Variants in RBFOX1 observed in about 807,000 individuals in gnomAD.
RBFOX1 encodes the protein RNA binding protein fox-1 homolog 1.
A neutral mutation model predicts 57.7 loss-of-function variants in RBFOX1; 8 were observed. That is an observed-to-expected ratio of 0.14 (90% CI 0.08 to 0.25). The LOEUF is 0.25. RBFOX1 is among the 10% of genes least tolerant of loss of function. The probability of loss-of-function intolerance (pLI) is 1.00; values close to 1 mark genes in which losing one functional copy is unlikely to be tolerated. For missense variants in RBFOX1, 611 were observed against 548.5 expected (o/e 1.11, Z -1.14); for synonymous variants, 326 against 222.4 (o/e 1.47, Z -4.15).
Position 6,646,105 on chromosome 16 carries a change from A to T in RBFOX1, c.-63-8498A>T, listed in dbSNP as rs2098532408. Among the ~76,000 whole-genome samples, 3 of 151,000 alleles carry T rather than the reference A, an allele frequency of 2.0e-5. 1 individual carries two copies. Among genetic ancestry groups the T allele is most frequent in the Non-Finnish European group, 4.4e-5 (3 of 67,928 alleles). On this transcript the variant is annotated intron_variant, in intron 2 of 15. Coordinates refer to ENST00000550418, the MANE Select transcript of RBFOX1 (RefSeq NM_018723.4). ...TCAAAATTCATACTTAACACTTTTA[A>T]GTAGTTGAGCTGTTTTCCAAGCGAA...
At position 6,135,329 on chromosome 16, in the gene RBFOX1, C is replaced by G. The variant is rs142094510; in HGVS notation, c.-127+115337C>G. ...AAAGCATTGGCTGTACTTTGAAACT[C>G]TTTAGGCTTCATTCTGATAAGAGAA... On this transcript the variant is annotated intron_variant, in intron 1 of 15. Coordinates refer to ENST00000550418, the MANE Select transcript of RBFOX1 (RefSeq NM_018723.4). Among the ~76,000 whole-genome samples the G allele has an allele frequency of 1.8e-3, 274 of 152,264 alleles. 1 individual carries two copies. Among genetic ancestry groups the G allele is most frequent in the African/African-American group, 5.9e-3 (246 of 41,556 alleles).
At chr16:5,712,490 C>G (rs1348720813) in intron 3 of RBFOX1, among the ~76,000 whole-genome samples, 1 of 152,192 alleles carries the variant, frequency 6.6e-6, no homozygotes, top group Non-Finnish European at 1.5e-5. Flanking sequence ...GAATTCTTAT[C>G]TCAAGAGCAG....
At chr16:7,504,677 A>G (rs1275872924) in intron 4 of RBFOX1, among the ~76,000 whole-genome samples, 1 of 133,294 alleles carries the variant, frequency 7.5e-6, no homozygotes, top group African/African-American at 3.3e-5. Context: ...AAATGAGTTT[A>G]TTACTCTAGC....
At chr16:5,328,763 CG>C (rs1333553686) in intron 1 of RBFOX1, among the ~76,000 whole-genome samples, 1 of 152,164 alleles carries the variant, frequency 6.6e-6, no homozygotes, top group Non-Finnish European at 1.5e-5. Context: ...AGTGGCCATC[CG>C]ATTCAAGCTC....
chr16:7,661,280 A>T lies in RBFOX1; in HGVS notation c.891-3649A>T, dbSNP rs1035273948. On this transcript the variant is annotated intron_variant, in intron 12 of 15. Transcript: ENST00000550418. ...CACTTTGAAAACAAGTAATCCCTTC[A>T]TGATGGGGTTTATAATGGCAGCTAC... Among the ~76,000 whole-genome samples, 5 of 152,140 alleles carry T rather than the reference A, an allele frequency of 3.3e-5. No homozygotes were observed. In the South Asian group the frequency reaches 1.0e-3, roughly 32 times the overall value.
At chr16:7,015,481 G>C (rs1293568668) in intron 3 of RBFOX1, among the ~76,000 whole-genome samples, 5 of 152,176 alleles carry the variant, frequency 3.3e-5, no homozygotes, top group East Asian at 1.9e-4. Flanking sequence ...TCAGTGTTCA[G>C]ACAGAGGCTG....
chr16:6,813,799 C>G (rs944770987), intron 3 of RBFOX1, among the ~76,000 whole-genome samples: 1 of 152,170 alleles, frequency 6.6e-6, no homozygotes. Context: ...CGGAGGATTC[C>G]TGAAGAATGA....
intron 4 of RBFOX1, among the ~76,000 whole-genome samples, chr16:7,303,963 A>G (rs1352283470): frequency 6.6e-6 from 1 of 151,494 alleles, no homozygotes. Flanking sequence ...TGTCACCTTC[A>G]CAGGGGTATG....
At chr16:6,130,194 A>G (rs1368245361) in intron 1 of RBFOX1, among the ~76,000 whole-genome samples, 1 of 152,114 alleles carries the variant, frequency 6.6e-6, no homozygotes, top group African/African-American at 2.4e-5. Flanking sequence ...AATAAAAATG[A>G]TACAGTTTTA....
At chr16:6,977,947 A>AAAATAATAAAT (rs1555705866) in intron 3 of RBFOX1, among the ~76,000 whole-genome samples, 2 of 145,968 alleles carry the variant, frequency 1.4e-5, no homozygotes, top group Admixed American at 1.4e-4. Flanking sequence ...GAAAAAAAAA[A>AAAATAATAAAT]AAAAGGCAAA....
At chr16:7,654,566 A>G (rs987964272) in intron 12 of RBFOX1, among the ~76,000 whole-genome samples, 1 of 152,132 alleles carries the variant, frequency 6.6e-6, no homozygotes, top group African/African-American at 2.4e-5. Context: ...TCCCATTGCC[A>G]ATTTGGTCCT....
chr16:6,153,695 C>T (rs1047228770), intron 1 of RBFOX1, among the ~76,000 whole-genome samples: 141 of 152,232 alleles, frequency 9.3e-4, no homozygotes, highest in African/African-American at 3.4e-3. Flanking sequence ...ACCACCATGC[C>T]TGGCTAATTT....
chr16:5,410,403 C>T (rs1359851175), intron 1 of RBFOX1, among the ~76,000 whole-genome samples: 3 of 151,916 alleles, frequency 2.0e-5, no homozygotes, highest in East Asian at 3.9e-4. Flanking sequence ...AATCATTGTG[C>T]ATGTCTCTTG....
In RBFOX1 at chr16:7,075,267, C is replaced by G. The variant is rs74369971; in HGVS notation, c.27+23169C>G. On this transcript the variant is annotated intron_variant, in intron 4 of 15. Coordinates refer to ENST00000550418, the MANE Select transcript of RBFOX1 (RefSeq NM_018723.4). ...CTTCATTGCTCAGTGATGATCAAACCGTCTTCAAATGCAAGCAGTTATTGG... is the reference window on the plus strand; with the variant it reads ...CTTCATTGCTCAGTGATGATCAAACGGTCTTCAAATGCAAGCAGTTATTGG... Among the ~76,000 whole-genome samples, 6 of 152,192 alleles carry G rather than the reference C, an allele frequency of 3.9e-5. No homozygotes were observed. In the South Asian group the frequency reaches 1.2e-3, roughly 32 times the overall value.
intron 2 of RBFOX1, among the ~76,000 whole-genome samples, chr16:5,565,650 A>AAATG (rs2046041472): frequency 6.6e-6 from 1 of 151,490 alleles, no homozygotes; most frequent in South Asian, 2.1e-4. Flanking sequence ...ATAAATAAAT[A>AAATG]AATAAATAAA....
chr16:6,212,579 C>A (rs545822874), intron 1 of RBFOX1, among the ~76,000 whole-genome samples: 1 of 151,960 alleles, frequency 6.6e-6, no homozygotes, highest in Non-Finnish European at 1.5e-5. Flanking sequence ...TGGTGGTGGG[C>A]GCCTGTAGTC....
At chr16:6,605,359 T>A (rs956936636) in intron 2 of RBFOX1, among the ~76,000 whole-genome samples, 1 of 152,228 alleles carries the variant, frequency 6.6e-6, no homozygotes, top group Non-Finnish European at 1.5e-5. Flanking sequence ...GGCATTTGTT[T>A]CATTGCTGTC....
At chr16:7,661,817 T>C (rs2067828088) in intron 12 of RBFOX1, among the ~76,000 whole-genome samples, 1 of 152,178 alleles carries the variant, frequency 6.6e-6, no homozygotes, top group Admixed American at 6.5e-5. Flanking sequence ...TGGTTCAGTG[T>C]TTCATCAATG....
intron 4 of RBFOX1, among the ~76,000 whole-genome samples, chr16:5,954,536 G>C (rs768193216): frequency 6.6e-6 from 1 of 152,164 alleles, no homozygotes; most frequent in South Asian, 2.1e-4. Context: ...ATTATTAAAA[G>C]TGTTCTTAAT....
Sources: gnomAD v4.1 joint callset for allele counts (sites outside exome capture counted in the v4.1 genomes callset) on GRCh38, gnomAD v4.1.1 for gene constraint, MANE v1.5 for transcripts, NCBI Gene and HGNC (gene_info 2026-07-23, HGNC 2026-07-21) for gene names.